The following AGBL3 variants were observed in gnomAD, a reference collection of about 807,000 sequenced individuals.
AGBL3 encodes the protein AGBL carboxypeptidase 3, also known as cytosolic carboxypeptidase 3.
Under a neutral mutation model 94.5 loss-of-function variants are expected in AGBL3, and 68 were observed. The ratio of observed to expected loss-of-function variants is 0.72; its 90% CI spans 0.59 to 0.88. AGBL3 has a LOEUF of 0.88. AGBL3 is among the 40% of genes least tolerant of loss of function. The pLI, the probability that AGBL3 is intolerant of heterozygous loss-of-function variation, is 0.00. For synonymous variants in AGBL3, 354 were observed against 370.7 expected (o/e 0.95, Z 0.52); for missense variants, 934 against 1,103.8 (o/e 0.85, Z 2.18).
intron 15 of AGBL3, among the ~76,000 whole-genome samples, chr7:135,102,625 G>T (rs1201547222): frequency 4.1e-5 from 6 of 145,106 alleles, no homozygotes; most frequent in African/African-American, 1.0e-4. Flanking sequence ...TTCTCTTGTG[G>T]TTTTTTTTTT....
At chr7:134,993,415 A>C (rs1360189590) in intron 3 of AGBL3, 78 bp from the exon 4 acceptor site, 1 of 1,244,954 alleles carries the variant, frequency 8.0e-7, no homozygotes, top group African/African-American at 1.5e-5. Context: ...TGAAAGGAAA[A>C]AAGGAACTAT....
At chr7:135,034,126 T>C in intron 6 of AGBL3, 23 bp from the exon 7 acceptor site, 1 of 1,387,334 alleles carries the variant, frequency 7.2e-7, no homozygotes, top group South Asian at 1.9e-5. Context: ...CGTGCTTTTT[T>C]CCCTTTCTTT....
chr7:135,021,129 T>C (rs75569238), intron 5 of AGBL3, among the ~76,000 whole-genome samples: 1,765 of 152,178 alleles, frequency 0.012, 32 homozygotes, highest in African/African-American at 0.04. Flanking sequence ...TAACAATATA[T>C]ATGTAGGTCT....
chr7:135,128,420 G>C, intron 16 of AGBL3: 1 of 650,822 alleles, frequency 1.5e-6, no homozygotes, highest in South Asian at 1.6e-5. Context: ...TGGTCATCTT[G>C]GTTTTGTTCC....
At chr7:135,117,300 A>G (rs1826455400) in intron 16 of AGBL3, among the ~76,000 whole-genome samples, 1 of 152,210 alleles carries the variant, frequency 6.6e-6, no homozygotes, top group Admixed American at 6.5e-5. Context: ...TCTTGTTAAC[A>G]TGCAATTCAC....
intron 4 of AGBL3, among the ~76,000 whole-genome samples, chr7:135,004,721 T>G (rs1025922166): frequency 1.3e-5 from 2 of 151,586 alleles, no homozygotes; most frequent in African/African-American, 4.8e-5. Flanking sequence ...TGCTAAAATT[T>G]CCTTTAAAGA....
In AGBL3 at chr7:134,987,924, A is replaced by G. The variant is rs1210206936; in HGVS notation, c.-10A>G. ...TATTACAAGAAATCTCAAGTCAAAC[A>G]CTGGAAAAGATGTCAGAAGATTCAG... On this transcript the variant is annotated 5_prime_UTR_variant, in exon 2 of 17. Coordinates refer to ENST00000436302, the MANE Select transcript of AGBL3 (RefSeq NM_178563.4). 1.3e-6 allele frequency: 2 copies of G among 1,545,252 alleles called. No individual in the cohort carries two copies. The highest frequency in any genetic ancestry group is 2.7e-5 in the African/African-American group (2 of 72,792).
intron 16 of AGBL3, chr7:135,128,449 G>A: frequency 1.4e-6 from 1 of 723,404 alleles, no homozygotes; most frequent in Non-Finnish European, 2.6e-6. Context: ...TTAAATGTCA[G>A]AAGACCAAGA....
chr7:135,001,433 A>G (rs1316867530), intron 4 of AGBL3, among the ~76,000 whole-genome samples: 2 of 152,184 alleles, frequency 1.3e-5, no homozygotes, highest in Non-Finnish European at 2.9e-5. Context: ...GACAATTGCC[A>G]CAGATGATTT....
intron 15 of AGBL3, among the ~76,000 whole-genome samples, chr7:135,082,054 G>A (rs1162184934): frequency 6.6e-6 from 1 of 152,098 alleles, no homozygotes. Flanking sequence ...CAGGCCCCAG[G>A]CTCATCCAAC....
At chr7:135,023,565 G>A (rs1450287663) in intron 5 of AGBL3, among the ~76,000 whole-genome samples, 1 of 152,174 alleles carries the variant, frequency 6.6e-6, no homozygotes, top group African/African-American at 2.4e-5. Flanking sequence ...TCGCCTGCAT[G>A]GAGCCCAGGG....
intron 16 of AGBL3, among the ~76,000 whole-genome samples, chr7:135,127,167 T>C (rs954823739): frequency 1.3e-5 from 2 of 151,636 alleles, no homozygotes; most frequent in African/African-American, 4.8e-5. Context: ...TAAACATATT[T>C]ACAAGAAAAA....
intron 4 of AGBL3, chr7:135,010,443 C>T (rs1036138576): frequency 6.0e-6 from 1 of 166,290 alleles, no homozygotes; most frequent in Non-Finnish European, 1.3e-5. Context: ...CTAAAATACA[C>T]ATTAAAGTTC....
chr7:135,110,303 T>G (rs1421405380), intron 15 of AGBL3, among the ~76,000 whole-genome samples: 1 of 152,164 alleles, frequency 6.6e-6, no homozygotes, highest in African/African-American at 2.4e-5. Flanking sequence ...CCCCCTGGAT[T>G]CAGCCCCTTT....
intron 12 of AGBL3, among the ~76,000 whole-genome samples, chr7:135,064,507 G>T (rs905950190): frequency 2.6e-4 from 40 of 152,196 alleles, no homozygotes; most frequent in Non-Finnish European, 1.0e-4. Context: ...CAATTAGGGG[G>T]CTCTTATAAT....
chr7:135,134,011 C>A (rs1446382034), intron 16 of AGBL3, among the ~76,000 whole-genome samples: 1 of 151,832 alleles, frequency 6.6e-6, no homozygotes, highest in African/African-American at 2.4e-5. Context: ...ATGCAACATT[C>A]TTAAAATAAC....
intron 11 of AGBL3, among the ~76,000 whole-genome samples, chr7:135,058,195 G>A (rs1191705467): frequency 2.0e-5 from 3 of 152,112 alleles, no homozygotes; most frequent in South Asian, 4.2e-4. Flanking sequence ...CAGGGAATGG[G>A]GGCATGTGTA....
At chr7:135,088,360 T>C (rs969782850) in intron 15 of AGBL3, among the ~76,000 whole-genome samples, 5 of 152,144 alleles carry the variant, frequency 3.3e-5, no homozygotes, top group African/African-American at 1.2e-4. Context: ...TCTGGTTGTT[T>C]TGTACATCCA....
At chr7:135,010,014 G>A (rs1812911003) in intron 4 of AGBL3, 2 of 426,492 alleles carry the variant, frequency 4.7e-6, no homozygotes, top group Admixed American at 2.7e-5. Context: ...GTAAGGGTGA[G>A]GATGACACTT....
Sources: gnomAD v4.1 joint callset for allele counts (sites outside exome capture counted in the v4.1 genomes callset) on GRCh38, gnomAD v4.1.1 for gene constraint, MANE v1.5 for transcripts, NCBI Gene and HGNC (gene_info 2026-07-23, HGNC 2026-07-21) for gene names.